SLC5A4: variants seen among roughly 807,000 people sequenced by gnomAD.
The protein encoded by SLC5A4 is probable glucose sensor protein SLC5A4.
SLC5A4 carries 55 observed loss-of-function variants against 70.3 expected under a neutral mutation model. The ratio of observed to expected loss-of-function variants is 0.78; its 90% CI spans 0.63 to 0.98. The LOEUF (loss-of-function observed/expected upper bound fraction) is 0.98, where lower values mean the gene tolerates loss of function less well. SLC5A4 is among the 50% of genes least tolerant of loss of function. SLC5A4 has a pLI of 0.00. For missense variants in SLC5A4, 735 were observed against 839.2 expected, an observed-to-expected ratio of 0.88 and a Z score of 1.53; for synonymous variants, 268 against 305.7, an observed-to-expected ratio of 0.88 and a Z score of 1.29.
the SLC5A4 span, among the ~76,000 whole-genome samples, chr22:32,263,188 T>C: frequency 6.6e-6 from 1 of 152,050 alleles, no homozygotes. Flanking sequence ...TTGTTGTTTT[T>C]GTTAGAGACA....
intron 5 of SLC5A4, 41 bp downstream of exon 5, chr22:32,247,370 C>A (rs200852699): frequency 2.3e-6 from 3 of 1,282,564 alleles, no homozygotes; most frequent in Middle Eastern, 3.7e-4. Context: ...CCCATCTGAC[C>A]AACCTCTTGA....
intron 5 of SLC5A4, among the ~76,000 whole-genome samples, chr22:32,245,263 T>C (rs2145689932): frequency 6.6e-6 from 1 of 152,326 alleles, no homozygotes; most frequent in African/African-American, 2.4e-5. Context: ...ATTATTAATG[T>C]CACTTAAGAC....
Position 32,254,194 on chromosome 22 carries a change from C to G in SLC5A4, c.155G>C (p.Arg52Pro). 6.2e-7 allele frequency: 1 copy of G among 1,613,978 alleles called. No individual in the cohort carries two copies. The highest frequency in any genetic ancestry group is 8.5e-7 in the Non-Finnish European group (1 of 1,179,870). ...GAGGAAGAAGCCTCCTATAGTACCT[C>G]GGTTGGTCTTCAGCATCGCCTGAGC... ...VGLWAMLKTN[R>P]GTIGGFFLAG... Residue 52 changes from arginine (R) to proline (P), a missense_variant, in exon 2 of 15, where the codon CGA becomes CCA. By Grantham distance (103) the Arg-to-Pro change is moderately radical. Transcript: ENST00000266086.
the SLC5A4 span, among the ~76,000 whole-genome samples, chr22:32,334,634 A>C: frequency 6.6e-6 from 1 of 151,728 alleles, no homozygotes; most frequent in Admixed American, 6.6e-5. Flanking sequence ...GAACGGAACC[A>C]CTCTCCCATC....
the SLC5A4 span, among the ~76,000 whole-genome samples, chr22:32,303,591 C>T: frequency 8.0e-4 from 100 of 124,790 alleles, 1 homozygote; most frequent in Middle Eastern, 3.7e-3. Context: ...TTCTTTCACT[C>T]AGTAATATGC....
the SLC5A4 span, among the ~76,000 whole-genome samples, chr22:32,301,736 G>A: frequency 6.6e-6 from 1 of 151,916 alleles, no homozygotes; most frequent in Non-Finnish European, 1.5e-5. Context: ...AAAGTTTGAA[G>A]ACTCAGACTT....
At chr22:32,283,067 A>T in the SLC5A4 span, among the ~76,000 whole-genome samples, 1 of 152,210 alleles carries the variant, frequency 6.6e-6, no homozygotes, top group Non-Finnish European at 1.5e-5. Flanking sequence ...TCCCTCCTGG[A>T]TTCTGCAAAG....
chr22:32,339,490 CTAGAG>C, the SLC5A4 span, among the ~76,000 whole-genome samples: 5 of 152,138 alleles, frequency 3.3e-5, no homozygotes, highest in East Asian at 1.9e-4. Context: ...TGCGGGTTTG[CTAGAG>C]TAGAGTACAG....
intron 4 of SLC5A4, among the ~76,000 whole-genome samples, chr22:32,247,741 G>A (rs1052118078): frequency 1.3e-5 from 2 of 152,162 alleles, no homozygotes; most frequent in Non-Finnish European, 2.9e-5. Flanking sequence ...CCCCCCCATG[G>A]ATAACTCCAG....
the SLC5A4 span, among the ~76,000 whole-genome samples, chr22:32,309,096 A>C: frequency 6.6e-6 from 1 of 151,600 alleles, no homozygotes. Context: ...GCTGGAGGGT[A>C]CAGGTGAGGT....
intron 14 of SLC5A4, 83 bp downstream of exon 14, chr22:32,220,837 G>A: frequency 1.1e-6 from 1 of 919,158 alleles, no homozygotes; most frequent in Non-Finnish European, 1.8e-6. Context: ...TCGGAAGCTG[G>A]ATTTAATGAC....
chr22:32,350,118 T>C, the SLC5A4 span, among the ~76,000 whole-genome samples: 2 of 152,178 alleles, frequency 1.3e-5, no homozygotes, highest in Admixed American at 1.3e-4. Context: ...ATGGGGTCTC[T>C]GGCACCTTCT....
At chr22:32,350,799 T>C in the SLC5A4 span, among the ~76,000 whole-genome samples, 1 of 151,958 alleles carries the variant, frequency 6.6e-6, no homozygotes, top group Non-Finnish European at 1.5e-5. Flanking sequence ...ATTTTAAAAG[T>C]GTAAAAATTA....
chr22:32,297,907 A>G, the SLC5A4 span, among the ~76,000 whole-genome samples: 2 of 100,196 alleles, frequency 2.0e-5, no homozygotes, highest in Non-Finnish European at 4.2e-5. Flanking sequence ...TCATTTCGTT[A>G]TGTACCCAGT....
the SLC5A4 span, chr22:32,271,024 C>A: frequency 1.8e-6 from 1 of 546,500 alleles, no homozygotes; most frequent in South Asian, 1.9e-5. Context: ...GCCCCACAGT[C>A]GGTGATGAGG....
At position 32,229,316 on chromosome 22, in the gene SLC5A4, C is replaced by A; in HGVS notation, c.1158G>T (p.Met386Ile). ...TCAGGGAGCTCATGAGAGAGGCCAGCATGACCGAAAGCATCAGGCCTCGCA... is the reference window on the plus strand; with the variant it reads ...TCAGGGAGCTCATGAGAGAGGCCAGAATGACCGAAAGCATCAGGCCTCGCA... ...QGLRGLMLSV[M>I]LASLMSSLTS... Residue 386 changes from methionine (M) to isoleucine (I), a missense_variant, in exon 11 of 15, where the codon ATG becomes ATT. Met to Ile is a conservative substitution (Grantham distance 10). Coordinates refer to ENST00000266086, the MANE Select transcript of SLC5A4 (RefSeq NM_014227.3). The A allele has an allele frequency of 6.2e-7, 1 of 1,614,144 alleles. No individual in the cohort carries two copies. Among genetic ancestry groups the A allele is most frequent in the Non-Finnish European group, 8.5e-7 (1 of 1,180,012 alleles).
At chr22:32,329,620 TGTGTGTGTTGGAGGGCTCTGGG>T in the SLC5A4 span, among the ~76,000 whole-genome samples, 2 of 88,144 alleles carry the variant, frequency 2.3e-5, no homozygotes, top group Admixed American at 1.4e-4. Flanking sequence ...TTGGCTCTGG[TGTGTGTGTTGGAGGGCTCTGGG>T]GTGTGTGTTG....
At chr22:32,339,623 C>T in the SLC5A4 span, among the ~76,000 whole-genome samples, 9 of 152,290 alleles carry the variant, frequency 5.9e-5, no homozygotes, top group South Asian at 1.9e-3. Context: ...TGGGGAGCCA[C>T]CAGGTGGAAG....
At chr22:32,331,128 TGG>T in the SLC5A4 span, among the ~76,000 whole-genome samples, 4 of 91,718 alleles carry the variant, frequency 4.4e-5, no homozygotes, top group Non-Finnish European at 7.5e-5. Context: ...TTCGAGGCTC[TGG>T]TGTGTCTGTG....
Sources: allele counts gnomAD v4.1 joint callset (sites outside exome capture counted in the v4.1 genomes callset), GRCh38; gene constraint gnomAD v4.1.1; transcripts MANE v1.5; gene names NCBI Gene and HGNC (gene_info 2026-07-23, HGNC 2026-07-21).